The following MCPH1 variants were observed in gnomAD, a reference collection of about 807,000 sequenced individuals.
MCPH1 encodes microcephalin.
Under a neutral mutation model 84.5 loss-of-function variants are expected in MCPH1, and 104 were observed. That is an observed-to-expected ratio of 1.23 (90% CI 1.05 to 1.45). The LOEUF (loss-of-function observed/expected upper bound fraction) is 1.45. MCPH1 is among the 40% of genes most tolerant of loss of function. MCPH1 has a pLI of 0.00. For missense variants in MCPH1, 1,498 were observed against 1,005.7 expected (o/e 1.49, Z -6.62); for synonymous variants, 514 against 366.8 (o/e 1.40, Z -4.58).
At position 6,453,096 on chromosome 8, in the gene MCPH1, C is replaced by A. The variant is rs183739057; in HGVS notation, c.1826-2047C>A. Among the ~76,000 whole-genome samples the A allele has an allele frequency of 8.0e-4, 122 of 152,300 alleles. 1 individual carries two copies. The highest frequency in any genetic ancestry group is 2.8e-3 in the African/African-American group (117 of 41,560). ...GAGCTGATGACAACCCATGAAAAAACCACACTTAGGAGCAAACACGAATAA... is the reference window on the plus strand; with the variant it reads ...GAGCTGATGACAACCCATGAAAAAAACACACTTAGGAGCAAACACGAATAA... On this transcript the variant is annotated intron_variant, in intron 8 of 13. Transcript: ENST00000344683.
At chr8:6,491,376 C>CT (rs34589854) in intron 11 of MCPH1, among the ~76,000 whole-genome samples, 49,232 of 128,092 alleles carry the variant, frequency 0.38, 10,283 homozygotes, top group African/African-American at 0.61. Context: ...TGGTTTCTTT[C>CT]TTTTTTTTTT....
intron 12 of MCPH1, among the ~76,000 whole-genome samples, chr8:6,540,813 G>A (rs1246285576): frequency 6.6e-6 from 1 of 152,266 alleles, no homozygotes; most frequent in African/African-American, 2.4e-5. Context: ...CCGAACAGGC[G>A]CGGGAGGCAG....
chr8:6,611,292 G>A (rs942853686), intron 12 of MCPH1, among the ~76,000 whole-genome samples: 3 of 152,056 alleles, frequency 2.0e-5, no homozygotes, highest in African/African-American at 4.8e-5. Flanking sequence ...ACTCAGCCCC[G>A]CAAGCCTGCC....
intron 7 of MCPH1, among the ~76,000 whole-genome samples, chr8:6,442,779 A>T (rs1378297334): frequency 6.6e-6 from 1 of 152,242 alleles, no homozygotes; most frequent in Non-Finnish European, 1.5e-5. Context: ...GTGATCCCTG[A>T]AAGTACTATG....
chr8:6,597,252 C>G (rs1013709044), intron 12 of MCPH1, among the ~76,000 whole-genome samples: 4 of 152,212 alleles, frequency 2.6e-5, no homozygotes, highest in African/African-American at 9.7e-5. Context: ...TGGACGCCGT[C>G]TTTACCATCA....
At chr8:6,538,670 T>C (rs528606447) in intron 12 of MCPH1, among the ~76,000 whole-genome samples, 9 of 152,352 alleles carry the variant, frequency 5.9e-5, no homozygotes, top group Middle Eastern at 3.4e-3. Context: ...TAAGCAAAGA[T>C]ACTCGTTTTG....
chr8:6,469,829 TTCTC>T (rs1304015200), intron 9 of MCPH1, among the ~76,000 whole-genome samples: 1 of 152,122 alleles, frequency 6.6e-6, no homozygotes, highest in East Asian at 1.9e-4. Context: ...AATACTCTTT[TTCTC>T]TCTCTCTCCC....
intron 6 of MCPH1, 110 bp from the exon 7 acceptor site, chr8:6,441,957 T>G: frequency 4.0e-6 from 3 of 756,100 alleles, no homozygotes; most frequent in Non-Finnish European, 4.7e-6. Context: ...ACTTTGTGAT[T>G]ATAGGATTTA....
intron 3 of MCPH1, among the ~76,000 whole-genome samples, chr8:6,425,287 G>C (rs1368868868): frequency 6.6e-6 from 1 of 152,168 alleles, no homozygotes; most frequent in Admixed American, 6.5e-5. Context: ...TTTTCGTTTT[G>C]ACCACTAGAT....
chr8:6,504,585 C>G (rs1019691991), intron 12 of MCPH1, among the ~76,000 whole-genome samples: 2 of 152,058 alleles, frequency 1.3e-5, no homozygotes, highest in East Asian at 1.9e-4. Context: ...AGTGATGATG[C>G]TGGCAATTCA....
At chr8:6,480,228 A>G (rs553088084) in intron 10 of MCPH1, among the ~76,000 whole-genome samples, 2 of 151,154 alleles carry the variant, frequency 1.3e-5, no homozygotes, top group African/African-American at 4.9e-5. Flanking sequence ...GATTCAAGCT[A>G]TTCTGTCTGC....
chr8:6,476,293 G>A (rs548415007), intron 9 of MCPH1, among the ~76,000 whole-genome samples: 26 of 151,980 alleles, frequency 1.7e-4, no homozygotes, highest in Non-Finnish European at 3.4e-4. Context: ...GCTCGGTATG[G>A]TAGTGGGCGC....
intron 3 of MCPH1, among the ~76,000 whole-genome samples, chr8:6,419,094 A>C (rs1373310): frequency 0.99 from 149,710 of 151,674 alleles, 73,905 homozygotes; most frequent in East Asian, 1. Context: ...ATTTCAGTCA[A>C]CTTGACTTCA....
chr8:6,537,234 C>T (rs943919977), intron 12 of MCPH1, among the ~76,000 whole-genome samples: 8 of 152,046 alleles, frequency 5.3e-5, no homozygotes, highest in South Asian at 2.1e-4. Flanking sequence ...ATTCCATGAG[C>T]GTGATCTGTA....
intron 12 of MCPH1, among the ~76,000 whole-genome samples, chr8:6,558,772 C>G (rs1162585145): frequency 6.6e-6 from 1 of 151,860 alleles, no homozygotes; most frequent in Non-Finnish European, 1.5e-5. Context: ...TCAGACAACC[C>G]CATTTAGTAA....
Position 6,576,849 on chromosome 8 carries a change from A to T in MCPH1, c.2215-44605A>T, listed in dbSNP as rs374018682. The stretch of plus-strand genomic sequence containing the variant: ...AAGTGCTGGGAGAGGCACAGGCGTC[A>T]GCCACAGTGCCTGGCCTACTGTCTT... On this transcript the variant is annotated intron_variant, in intron 12 of 13. Transcript: ENST00000344683. Among the ~76,000 whole-genome samples the T allele has an allele frequency of 5.6e-4, 85 of 151,860 alleles. 1 individual carries two copies. The highest frequency in any genetic ancestry group is 2.0e-3 in the African/African-American group (82 of 41,424).
At chr8:6,625,406 C>A in intron 13 of MCPH1, 7 of 985,410 alleles carry the variant, frequency 7.1e-6, no homozygotes, top group Non-Finnish European at 8.4e-6. Flanking sequence ...TTTTTTTCCT[C>A]CCGTTCATTT....
intron 11 of MCPH1, among the ~76,000 whole-genome samples, chr8:6,489,532 A>G (rs1032655943): frequency 6.6e-6 from 1 of 152,210 alleles, no homozygotes; most frequent in Admixed American, 6.5e-5. Flanking sequence ...GAATCCAATG[A>G]CTAAGACAGT....
chr8:6,422,919 A>G (rs1800446246), intron 3 of MCPH1, among the ~76,000 whole-genome samples: 1 of 151,660 alleles, frequency 6.6e-6, no homozygotes, highest in Non-Finnish European at 1.5e-5. Flanking sequence ...CGATCTCCTG[A>G]CCTTGTGATC....
Sources: allele counts gnomAD v4.1 joint callset (sites outside exome capture counted in the v4.1 genomes callset), GRCh38; gene constraint gnomAD v4.1.1; transcripts MANE v1.5; gene names NCBI Gene and HGNC (gene_info 2026-07-23, HGNC 2026-07-21).